MGMT: variants seen among roughly 807,000 people sequenced by gnomAD.
The protein encoded by MGMT is methylated-DNA--protein-cysteine methyltransferase.
In MGMT, 14 loss-of-function variants were observed where a neutral mutation model predicts 15.9. The ratio of observed to expected loss-of-function variants is 0.88; its 90% CI spans 0.58 to 1.37. The LOEUF is 1.37. Ranked by LOEUF, MGMT falls within the 40% of genes most tolerant of loss-of-function variation. MGMT has a pLI of 0.00. For missense variants in MGMT, 282 were observed against 268.1 expected, an observed-to-expected ratio of 1.05 and a Z score of -0.36; for synonymous variants, 130 against 118.2, an observed-to-expected ratio of 1.10 and a Z score of -0.65.
Position 129,660,775 on chromosome 10 carries a change from AACACAC to A in MGMT, c.126-47101_126-47096del, listed in dbSNP as rs10634898. Among the ~76,000 whole-genome samples, 4 of 149,148 alleles carry A rather than the reference AACACAC, an allele frequency of 2.7e-5. No individual in the cohort carries two copies. The South Asian group carries it at 6.4e-4, about 24-fold the overall frequency. ...ACAAAGAGGAAGATCCCCCACCCCCAACACACACACACACACACACACACGCACACA... is the reference window on the plus strand; with the variant it reads ...ACAAAGAGGAAGATCCCCCACCCCCAACACACACACACACACACGCACACA... On this transcript the variant is annotated intron_variant, in intron 2 of 4. Transcript: ENST00000651593.
chr10:129,468,078 C>T (rs539078249), intron 1 of MGMT, among the ~76,000 whole-genome samples: 26 of 152,288 alleles, frequency 1.7e-4, no homozygotes, highest in Admixed American at 1.6e-3. Flanking sequence ...GAGCTGTTCT[C>T]AGTAGAATGT....
chr10:129,766,776 C>T lies in MGMT; in HGVS notation c.415-12C>T, dbSNP rs749403641. 1.2e-6 allele frequency: 2 copies of T among 1,608,228 alleles called. No individual in the cohort carries two copies. Among genetic ancestry groups the T allele is most frequent in the East Asian group, 2.2e-5 (1 of 44,742 alleles). ...ATCCCTGACTGACAGTGGCTGCCCC[C>T]CTGTCTTCCAGGTCCCCATCCTCAT... On this transcript the variant is annotated splice_polypyrimidine_tract_variant and intron_variant, in intron 4 of 4. Transcript: ENST00000651593.
At chr10:129,542,508 C>T (rs1203601837) in intron 2 of MGMT, among the ~76,000 whole-genome samples, 2 of 152,200 alleles carry the variant, frequency 1.3e-5, no homozygotes, top group East Asian at 1.9e-4. Flanking sequence ...CTTAGAGAAG[C>T]ACTGCCAGTA....
chr10:129,643,936 G>C (rs990893603), intron 2 of MGMT, among the ~76,000 whole-genome samples: 3 of 152,034 alleles, frequency 2.0e-5, no homozygotes, highest in African/African-American at 7.2e-5. Flanking sequence ...CAAACTACCT[G>C]TTCTTTCCAT....
chr10:129,490,385 G>C (rs948424287), intron 1 of MGMT, among the ~76,000 whole-genome samples: 3 of 152,050 alleles, frequency 2.0e-5, no homozygotes, highest in African/African-American at 7.2e-5. Context: ...AACATTACTT[G>C]GCCACTAAGA....
chr10:129,721,002 A>G (rs1318491612), intron 3 of MGMT, among the ~76,000 whole-genome samples: 1 of 152,000 alleles, frequency 6.6e-6, no homozygotes, highest in Non-Finnish European at 1.5e-5. Context: ...ATGTTATCGG[A>G]TGAGAAGGGT....
chr10:129,479,170 A>G (rs1845328425), intron 1 of MGMT, among the ~76,000 whole-genome samples: 1 of 152,216 alleles, frequency 6.6e-6, no homozygotes, highest in South Asian at 2.1e-4. Context: ...TCCTTACATG[A>G]GTTATGTTAA....
intron 1 of MGMT, among the ~76,000 whole-genome samples, chr10:129,471,230 A>G (rs965091911): frequency 1.3e-5 from 2 of 152,178 alleles, no homozygotes; most frequent in Admixed American, 6.5e-5. Context: ...TTACTGACAA[A>G]TTGAGTCATA....
intron 2 of MGMT, among the ~76,000 whole-genome samples, chr10:129,572,984 T>C (rs1014985854): frequency 6.6e-6 from 1 of 152,228 alleles, no homozygotes; most frequent in Non-Finnish European, 1.5e-5. Flanking sequence ...CATCTTTCTA[T>C]ACTTGCACAA....
chr10:129,645,506 T>C (rs531430753), intron 2 of MGMT, among the ~76,000 whole-genome samples: 33 of 152,238 alleles, frequency 2.2e-4, no homozygotes, highest in African/African-American at 7.0e-4. Flanking sequence ...TGCAGGTTGA[T>C]GGCTGGAAGG....
chr10:129,627,806 A>G (rs1030751629), intron 2 of MGMT, among the ~76,000 whole-genome samples: 1 of 152,222 alleles, frequency 6.6e-6, no homozygotes, highest in Non-Finnish European at 1.5e-5. Context: ...CCATAGCTAG[A>G]AGAAAAATAC....
intron 2 of MGMT, among the ~76,000 whole-genome samples, chr10:129,629,820 G>A (rs1236682205): frequency 6.6e-6 from 1 of 152,208 alleles, no homozygotes; most frequent in African/African-American, 2.4e-5. Flanking sequence ...CTGGGTGGAG[G>A]TGTGTTTCCT....
At chr10:129,646,744 A>AT (rs1448953343) in intron 2 of MGMT, among the ~76,000 whole-genome samples, 2 of 79,262 alleles carry the variant, frequency 2.5e-5, no homozygotes, top group African/African-American at 4.6e-5. Flanking sequence ...ATATATATAT[A>AT]TATATATATA....
chr10:129,590,035 G>C (rs142024306), intron 2 of MGMT, among the ~76,000 whole-genome samples: 2 of 152,134 alleles, frequency 1.3e-5, no homozygotes, highest in East Asian at 3.9e-4. Context: ...AATGGAGTGC[G>C]GATCATGAGA....
intron 2 of MGMT, among the ~76,000 whole-genome samples, chr10:129,635,895 A>G (rs1847259717): frequency 6.6e-6 from 1 of 152,180 alleles, no homozygotes; most frequent in Admixed American, 6.5e-5. Context: ...TCAAGCTGCA[A>G]GGAGCTCCTG....
At chr10:129,576,872 A>G (rs1203433586) in intron 2 of MGMT, among the ~76,000 whole-genome samples, 2 of 152,226 alleles carry the variant, frequency 1.3e-5, no homozygotes, top group South Asian at 2.1e-4. Context: ...AAAAATCACA[A>G]GCATTCTTAT....
chr10:129,543,207 G>A (rs1359743553), intron 2 of MGMT, among the ~76,000 whole-genome samples: 2 of 152,166 alleles, frequency 1.3e-5, no homozygotes, highest in African/African-American at 4.8e-5. Context: ...GCAGCTCTTG[G>A]ACCTTAGTAA....
chr10:129,745,380 G>T (rs562689834), intron 3 of MGMT, among the ~76,000 whole-genome samples: 4 of 149,584 alleles, frequency 2.7e-5, no homozygotes, highest in Middle Eastern at 3.4e-3. Flanking sequence ...CCCCCACGCC[G>T]CCCCCTGGCA....
intron 2 of MGMT, among the ~76,000 whole-genome samples, chr10:129,583,440 TAAATTTTAGACCTATTTTGGATC>T (rs1170359485): frequency 1.3e-5 from 2 of 152,266 alleles, no homozygotes; most frequent in Non-Finnish European, 2.9e-5. Context: ...CTGTTATTCT[TAAATTTTAGACCTATTTTGGATC>T]AAGATGGTGT....
Sources: allele counts gnomAD v4.1 joint callset (sites outside exome capture counted in the v4.1 genomes callset), GRCh38; gene constraint gnomAD v4.1.1; transcripts MANE v1.5; gene names NCBI Gene and HGNC (gene_info 2026-07-23, HGNC 2026-07-21).